The following ANKFN1 variants were observed in gnomAD, a reference collection of about 807,000 sequenced individuals.
ANKFN1 encodes the protein ankyrin repeat and fibronectin type-III domain-containing protein 1.
ANKFN1 carries 74 observed loss-of-function variants against 108.7 expected under a neutral mutation model. The observed-to-expected ratio is 0.68, with a 90% CI of 0.56 to 0.83. The LOEUF is 0.83. Ranked by LOEUF, ANKFN1 falls within the 40% of genes least tolerant of loss-of-function variation. The pLI is 0.00. For synonymous variants in ANKFN1, 547 were observed against 516.2 expected (o/e 1.06, Z -0.81); for missense variants, 1,505 against 1,382.3 (o/e 1.09, Z -1.41).
rs1440021178 is a variant in ANKFN1 at position 56,350,968 on chromosome 17, G to T, written c.390+1G>T. On this transcript the variant is annotated splice_donor_variant, in intron 5 of 20. Coordinates refer to ENST00000682825, the MANE Select transcript of ANKFN1 (RefSeq NM_001370326.1). LOFTEE classifies it high-confidence loss of function. ...GCTGAGTCTCAGGAAGACCTCGGTG[G>T]TAACAAAACTGTTTTTATTCTTGTG... 6.2e-7 allele frequency: 1 copy of T among 1,612,836 alleles called. No individual in the cohort carries two copies. Among genetic ancestry groups the T allele is most frequent in the Non-Finnish European group, 8.5e-7 (1 of 1,179,476 alleles).
At chr17:56,354,198 T>C (rs1282357046) in intron 6 of ANKFN1, 152 bp downstream of exon 6, 4 of 739,070 alleles carry the variant, frequency 5.4e-6, no homozygotes, top group Non-Finnish European at 8.8e-6. Flanking sequence ...TTCATGCAAA[T>C]AGTGACAGCA....
At chr17:56,116,039 A>C (rs768794) in intron 4 of ANKFN1, among the ~76,000 whole-genome samples, 79,941 of 151,994 alleles carry the variant, frequency 0.53, 21,381 homozygotes, top group East Asian at 0.81. Context: ...GGGGAATGGA[A>C]ATCTTTCATA....
chr17:56,480,845 C>T (rs1568037533), intron 17 of ANKFN1, 27 bp downstream of exon 17: 14 of 1,604,148 alleles, frequency 8.7e-6, no homozygotes, highest in Non-Finnish European at 1.2e-5. Flanking sequence ...TTTTTATCTT[C>T]TTTTTTTATG....
At chr17:56,141,453 C>A (rs1907910411) in intron 4 of ANKFN1, among the ~76,000 whole-genome samples, 1 of 152,120 alleles carries the variant, frequency 6.6e-6, no homozygotes, top group Admixed American at 6.5e-5. Context: ...ATAGCTGTCA[C>A]ATAAAGAATG....
At chr17:56,076,878 C>T (rs1905187949) in intron 4 of ANKFN1, among the ~76,000 whole-genome samples, 1 of 152,126 alleles carries the variant, frequency 6.6e-6, no homozygotes, top group African/African-American at 2.4e-5. Flanking sequence ...TTGTCACCAA[C>T]CTACCTTTCC....
At chr17:56,140,495 T>A (rs984455509) in intron 4 of ANKFN1, among the ~76,000 whole-genome samples, 3 of 152,174 alleles carry the variant, frequency 2.0e-5, no homozygotes, top group Non-Finnish European at 4.4e-5. Context: ...GACTTTCTTA[T>A]TTTCTTGTCT....
intron 3 of ANKFN1, among the ~76,000 whole-genome samples, chr17:56,285,977 G>A (rs1373106782): frequency 1.3e-5 from 2 of 152,058 alleles, no homozygotes; most frequent in Non-Finnish European, 1.5e-5. Context: ...GTCCCAGAGT[G>A]ACTTTATTTT....
At chr17:56,364,298 CAA>C (rs2046604583) in intron 6 of ANKFN1, among the ~76,000 whole-genome samples, 1 of 151,990 alleles carries the variant, frequency 6.6e-6, no homozygotes, top group African/African-American at 2.4e-5. Flanking sequence ...ACATTGATTT[CAA>C]AGTCTTAGTA....
chr17:56,457,401 T>A lies in ANKFN1; in HGVS notation c.1440+12T>A. On this transcript the variant is annotated intron_variant, in intron 13 of 20. Transcript: ENST00000682825. ...TGTGGTTCACGAAGGTATACTAAGTTCTGATTTCATTTTTCCCTACTTTGT... is the reference window on the plus strand; with the variant it reads ...TGTGGTTCACGAAGGTATACTAAGTACTGATTTCATTTTTCCCTACTTTGT... The A allele has an allele frequency of 6.4e-7, 1 of 1,573,790 alleles. No individual in the cohort carries two copies. Among genetic ancestry groups the A allele is most frequent in the Non-Finnish European group, 8.6e-7 (1 of 1,167,280 alleles).
intron 3 of ANKFN1, among the ~76,000 whole-genome samples, chr17:56,232,613 G>T (rs960109278): frequency 6.6e-6 from 1 of 151,968 alleles, no homozygotes; most frequent in Admixed American, 6.6e-5. Context: ...CTGCCTCTTG[G>T]CTTCATTCAA....
At chr17:56,419,493 A>G (rs1294840401) in intron 8 of ANKFN1, among the ~76,000 whole-genome samples, 5 of 150,392 alleles carry the variant, frequency 3.3e-5, no homozygotes, top group African/African-American at 1.2e-4. Context: ...CAAAAAAAAA[A>G]AAAAGAGATA....
intron 4 of ANKFN1, among the ~76,000 whole-genome samples, chr17:56,144,704 C>T (rs916210219): frequency 1.3e-5 from 2 of 152,086 alleles, no homozygotes; most frequent in Non-Finnish European, 2.9e-5. Context: ...AAATTCAGCC[C>T]AGGTGGGAAA....
intron 8 of ANKFN1, among the ~76,000 whole-genome samples, chr17:56,422,492 TACAC>T (rs141538919): frequency 4.0e-5 from 6 of 151,338 alleles, no homozygotes; most frequent in African/African-American, 4.9e-5. Context: ...CACACGCACA[TACAC>T]ACACACACGC....
intron 4 of ANKFN1, among the ~76,000 whole-genome samples, chr17:56,134,620 C>T (rs905560589): frequency 6.6e-6 from 1 of 152,100 alleles, no homozygotes; most frequent in African/African-American, 2.4e-5. Context: ...CAGGAAATTG[C>T]AAGGGTTTTA....
In ANKFN1 at chr17:56,372,749, T is replaced by G. The variant is rs768519079; in HGVS notation, c.705T>G (p.Thr235=). 2.5e-6 allele frequency: 4 copies of G among 1,613,902 alleles called. No individual in the cohort carries two copies. The East Asian group carries it at 8.9e-5, about 36-fold the overall frequency. Residue 235 remains threonine (T), a synonymous_variant, in exon 7 of 21, where the codon ACT becomes ACG. Transcript: ENST00000682825. ...LSAQVENEGF[T]LDNTEKEKQL... ...CCCAGGTGGAGAATGAAGGATTCAC[T>G]CTGGACAACACAGAGAAAGAGAAGC...
At chr17:56,258,752 A>G (rs1163088323) in intron 3 of ANKFN1, among the ~76,000 whole-genome samples, 1 of 152,036 alleles carries the variant, frequency 6.6e-6, no homozygotes, top group African/African-American at 2.4e-5. Flanking sequence ...CTATAAAAAT[A>G]CCAAAAAAAT....
At chr17:56,171,681 A>G (rs1910707910) in intron 1 of ANKFN1, among the ~76,000 whole-genome samples, 2 of 152,208 alleles carry the variant, frequency 1.3e-5, no homozygotes, top group African/African-American at 2.4e-5. Flanking sequence ...GAAGAGGCCA[A>G]TTCTCTGAAA....
At chr17:56,372,078 C>G (rs999879594) in intron 6 of ANKFN1, among the ~76,000 whole-genome samples, 1 of 152,170 alleles carries the variant, frequency 6.6e-6, no homozygotes, top group Non-Finnish European at 1.5e-5. Context: ...TCTTTGTAAG[C>G]AATAAATACA....
chr17:56,066,081 CT>C (rs1905054772), intron 4 of ANKFN1, among the ~76,000 whole-genome samples: 1 of 152,226 alleles, frequency 6.6e-6, no homozygotes, highest in African/African-American at 2.4e-5. Context: ...AAAGGATTAC[CT>C]GAGACATTGG....
Sources: gnomAD v4.1 joint callset for allele counts (sites outside exome capture counted in the v4.1 genomes callset) on GRCh38, gnomAD v4.1.1 for gene constraint, MANE v1.5 for transcripts, NCBI Gene and HGNC (gene_info 2026-07-23, HGNC 2026-07-21) for gene names.